The following COG7 variants were observed in gnomAD, a reference collection of about 807,000 sequenced individuals.
The protein encoded by COG7 is conserved oligomeric Golgi complex subunit 7.
In COG7, 49 loss-of-function variants were observed where a neutral mutation model predicts 91.5. The ratio of observed to expected loss-of-function variants is 0.54; its 90% CI spans 0.43 to 0.68. The LOEUF (loss-of-function observed/expected upper bound fraction) is 0.68. COG7 is among the 30% of genes least tolerant of loss of function. COG7 has a pLI of 0.00. For missense variants in COG7, 895 were observed against 961.3 expected, an observed-to-expected ratio of 0.93 and a Z score of 0.91; for synonymous variants, 365 against 388.7, an observed-to-expected ratio of 0.94 and a Z score of 0.72.
intron 13 of COG7, among the ~76,000 whole-genome samples, chr16:23,400,508 A>T (rs1397067411): frequency 6.6e-6 from 1 of 152,182 alleles, no homozygotes; most frequent in Non-Finnish European, 1.5e-5. Flanking sequence ...GCTGCCATCC[A>T]TCCCAGGGAC....
At position 23,452,892 on chromosome 16, in the gene COG7, C is replaced by T. The variant is rs2142101336; in HGVS notation, c.103G>A (p.Gly35Ser). 6.2e-7 allele frequency: 1 copy of T among 1,614,026 alleles called. No individual in the cohort carries two copies. Among genetic ancestry groups the T allele is most frequent in the Non-Finnish European group, 8.5e-7 (1 of 1,180,006 alleles). Residue 35 changes from glycine to serine, a missense_variant, in exon 1 of 17, where the codon GGC becomes AGC. Gly to Ser is a moderately conservative substitution (Grantham distance 56). Coordinates refer to ENST00000307149, the MANE Select transcript of COG7 (RefSeq NM_153603.4). ...TTCATCACCAGGGTGGCTGCGTGGC[C>T]ATCCGCCTTCCCGGACGCCGCCTCC... ...SKEAASGKADGHAATLVMKLQ... is the reference protein window; with the variant it reads ...SKEAASGKADSHAATLVMKLQ...
chr16:23,445,916 T>C lies in COG7; in HGVS notation c.215A>G (p.Asp72Gly). 1 of 1,610,962 alleles carries C rather than the reference T, an allele frequency of 6.2e-7. No homozygotes were observed. ...ALQNMPKVLR[D>G]VEALKQEASF... Reference sequence around the variant, plus strand: ...TGCCTCCTGTTTTAGGGCTTCAACATCACGGAGCACTTTGGGCATGTTCTG... The same window carrying C: ...TGCCTCCTGTTTTAGGGCTTCAACACCACGGAGCACTTTGGGCATGTTCTG... Residue 72 changes from aspartate (D) to glycine (G), a missense_variant, in exon 2 of 17, where the codon GAT (aspartate) becomes GGT (glycine). By Grantham distance (94) the Asp-to-Gly change is moderately conservative (BLOSUM62 -1). Coordinates refer to ENST00000307149, the MANE Select transcript of COG7 (RefSeq NM_153603.4).
At chr16:23,391,422 G>C (rs1418948464) in intron 16 of COG7, among the ~76,000 whole-genome samples, 1 of 152,182 alleles carries the variant, frequency 6.6e-6, no homozygotes, top group African/African-American at 2.4e-5. Flanking sequence ...TGTTCCTCTG[G>C]TAAGTGCTGA....
In COG7 at chr16:23,406,182, G is replaced by C; in HGVS notation, c.1556C>G (p.Thr519Arg). The C allele has an allele frequency of 6.2e-7, 1 of 1,614,078 alleles. No individual in the cohort carries two copies. The highest frequency in any genetic ancestry group is 1.1e-5 in the South Asian group (1 of 91,080). ...GTTCTTGGCAGAGTTCTTCTTGTCT[G>C]TCAAGATGCTCTCCTGAAAACCAGC... is the stretch of plus-strand genomic sequence containing the variant. ...SLAGFQESIL[T>R]DKKNSAKNPW... The change falls in exon 12 of 17, where the codon ACA (threonine) becomes AGA (arginine). Residue 519 changes from threonine to arginine, a missense_variant. Transcript: ENST00000307149.
chr16:23,448,861 A>G (rs2142098379), intron 1 of COG7, among the ~76,000 whole-genome samples: 1 of 152,322 alleles, frequency 6.6e-6, no homozygotes, highest in Non-Finnish European at 1.5e-5. Context: ...AGTGGACATA[A>G]TAACTGTGCC....
rs112507017 is a variant in COG7, at chr16:23,450,842, G to A, written c.169+1984C>T. 9.6e-3 allele frequency among the ~76,000 whole-genome samples: 1,451 copies of A among 151,342 alleles called. 12 individuals are homozygous for A. Among genetic ancestry groups the A allele is most frequent in the South Asian group, 0.019 (90 of 4,754 alleles). On this transcript the variant is annotated intron_variant, in intron 1 of 16. Coordinates refer to ENST00000307149, the MANE Select transcript of COG7 (RefSeq NM_153603.4). ...TGAGACCCTGTCTCAAAAAAAAAAA[G>A]AAAGAAAGAAAACAATCTGCAGTGA...
In COG7 at chr16:23,410,306, C is replaced by T. The variant is rs1371239998; in HGVS notation, c.1464G>A (p.Gln488=). 6.2e-7 allele frequency: 1 copy of T among 1,613,918 alleles called. No homozygotes were observed. The highest frequency in any genetic ancestry group is 2.2e-5 in the East Asian group (1 of 44,902). ...LLRHCGDFEQ[Q]LANRILSTAG... The stretch of plus-strand genomic sequence containing the variant: ...CTCCTCTCTCCTACCTGTTGGCTAG[C>T]TGCTGCTCGAAGTCCCCACAATGCC... Residue 488 remains glutamine, a synonymous_variant, in exon 11 of 17, where the codon CAG becomes CAA. Transcript: ENST00000307149.
chr16:23,452,896 C>A lies in COG7; in HGVS notation c.99G>T (p.Ala33=). The change falls in exon 1 of 17, where the codon GCG becomes GCT. Residue 33 remains alanine (A), a synonymous_variant. Coordinates refer to ENST00000307149, the MANE Select transcript of COG7 (RefSeq NM_153603.4). ...AGSKEAASGK[A]DGHAATLVMK... ...TCACCAGGGTGGCTGCGTGGCCATC[C>A]GCCTTCCCGGACGCCGCCTCCTTGG... The A allele has an allele frequency of 6.2e-7, 1 of 1,614,038 alleles. No homozygotes were observed. The highest frequency in any genetic ancestry group is 8.5e-7 in the Non-Finnish European group (1 of 1,180,004).
intron 16 of COG7, 106 bp downstream of exon 16, chr16:23,392,274 A>T: frequency 6.4e-7 from 1 of 1,563,220 alleles, no homozygotes; most frequent in Non-Finnish European, 8.6e-7. Flanking sequence ...TCCACAGCTG[A>T]AGCTAAGGGA....
intron 12 of COG7, among the ~76,000 whole-genome samples, chr16:23,405,812 T>C (rs1012886302): frequency 2.0e-5 from 3 of 152,152 alleles, no homozygotes; most frequent in Admixed American, 1.3e-4. Flanking sequence ...CCACCACACC[T>C]GGCCTAAAGC....
At chr16:23,424,704 A>C (rs1325644368) in intron 7 of COG7, 45 bp downstream of exon 7, 2 of 1,593,774 alleles carry the variant, frequency 1.3e-6, no homozygotes, top group Non-Finnish European at 1.7e-6. Context: ...CTTCAGAAAG[A>C]GCGAGTAAAG....
At position 23,424,786 on chromosome 16, in the gene COG7, G is replaced by T; in HGVS notation, c.972C>A (p.Phe324Leu). 2 of 1,614,252 alleles carry T rather than the reference G, an allele frequency of 1.2e-6. No individual in the cohort carries two copies. Among genetic ancestry groups the T allele is most frequent in the Non-Finnish European group, 1.7e-6 (2 of 1,180,048 alleles). The change falls in exon 7 of 17, where the codon TTC becomes TTA. Residue 324 changes from phenylalanine (F) to leucine (L), a missense_variant. By Grantham distance (22) the Phe-to-Leu change is conservative (BLOSUM62 0). Coordinates refer to ENST00000307149, the MANE Select transcript of COG7 (RefSeq NM_153603.4). ...GCAGTGCCATCTCCAAGCCCTTGGC[G>T]AAGTGGGCGGTGGCGTCGTAGAACT... Reference protein sequence around the residue: ...LLEFYDATAHFAKGLEMALLP... With the variant: ...LLEFYDATAHLAKGLEMALLP...
intron 4 of COG7, among the ~76,000 whole-genome samples, chr16:23,441,184 T>C (rs1596953750): frequency 1.3e-5 from 2 of 152,172 alleles, no homozygotes; most frequent in Non-Finnish European, 2.9e-5. Flanking sequence ...AAAAAGAACC[T>C]AGAGAAGTTA....
chr16:23,403,147 C>T (rs1404521632), intron 13 of COG7, among the ~76,000 whole-genome samples: 1 of 152,078 alleles, frequency 6.6e-6, no homozygotes, highest in Admixed American at 6.5e-5. Flanking sequence ...AAAAATAATT[C>T]GGACAACCAG....
chr16:23,388,764 T>A lies in COG7; in HGVS notation c.*156A>T. The A allele has an allele frequency of 7.3e-7, 1 of 1,366,750 alleles. No homozygotes were observed. The allele number at this position is 1,366,750 out of a possible 1,614,324, so 84.7% of individuals were successfully genotyped here. ...ATCCATCTGGCTTGGCCTCCCAAAG[T>A]GCTGGGATTACAGGCGTGAGCCACC... is the stretch of plus-strand genomic sequence containing the variant. On this transcript the variant is annotated 3_prime_UTR_variant, in exon 17 of 17. Transcript: ENST00000307149.
rs869302988 is a variant in COG7 at position 23,449,426 on chromosome 16, T to TAAAAA, written c.169+3395_169+3399dup. On this transcript the variant is annotated intron_variant, in intron 1 of 16. Transcript: ENST00000307149. ...TAAAATAAAATAAAATAAAATAAAATAAAAAATAAATAAAATAAATAAAAA... is the reference window on the plus strand; with the variant it reads ...TAAAATAAAATAAAATAAAATAAAATAAAAAAAAAAATAAATAAAATAAATAAAAA... Among the ~76,000 whole-genome samples, 43 of 120,002 alleles carry TAAAAA rather than the reference T, an allele frequency of 3.6e-4. 1 individual carries two copies. The highest frequency in any genetic ancestry group is 1.8e-3 in the Admixed American group (21 of 11,634). 78.7% of individuals were successfully genotyped at this position (120,002 alleles called of 152,430 possible).
At chr16:23,433,817 AGG>A in intron 5 of COG7, 150 bp from the exon 6 acceptor site, 7 of 716,340 alleles carry the variant, frequency 9.8e-6, no homozygotes, top group African/African-American at 4.4e-5. Flanking sequence ...AAAGAAAGGC[AGG>A]AAAAAAAAAA....
intron 4 of COG7, among the ~76,000 whole-genome samples, chr16:23,441,201 TAC>T: frequency 6.6e-6 from 1 of 152,312 alleles, no homozygotes; most frequent in Admixed American, 6.5e-5. Context: ...GTTACTAAAC[TAC>T]AAGGTAAAAG....
In COG7 at chr16:23,409,829, A is replaced by G. The variant is rs569293305; in HGVS notation, c.1475+466T>C. On this transcript the variant is annotated intron_variant, in intron 11 of 16. Transcript: ENST00000307149. ...CCCCAGAGATTCCCCTTTGATACAC[A>G]GCCCTTCAGCAGCACGGAATTTGAC... Among the ~76,000 whole-genome samples the G allele has an allele frequency of 2.6e-5, 4 of 152,304 alleles. No individual in the cohort carries two copies. The East Asian group carries it at 7.7e-4, about 29-fold the overall frequency.
Sources: allele counts gnomAD v4.1 joint callset (sites outside exome capture counted in the v4.1 genomes callset), GRCh38; gene constraint gnomAD v4.1.1; transcripts MANE v1.5; gene names NCBI Gene and HGNC (gene_info 2026-07-23, HGNC 2026-07-21).